Variants in MKRN2OS observed in about 807,000 individuals in gnomAD.
MKRN2OS encodes the protein MKRN2 opposite strand, also known as MKRN2 opposite strand protein.
In MKRN2OS, 17 loss-of-function variants were observed where a neutral mutation model predicts 18.2. The observed-to-expected ratio is 0.93, with a 90% confidence interval of 0.64 to 1.40. The LOEUF is 1.40. MKRN2OS is among the 40% of genes most tolerant of loss of function. The pLI, the probability that MKRN2OS is intolerant of heterozygous loss-of-function variation, is 0.00. For synonymous variants in MKRN2OS, 121 were observed against 108.5 expected (o/e 1.12, Z -0.72); for missense variants, 337 against 283.0 (o/e 1.19, Z -1.37).
upstream of MKRN2OS, among the ~76,000 whole-genome samples, chr3:12,546,575 A>ATTTTTTT (rs1160434615): frequency 0.015 from 1,430 of 97,072 alleles, 103 homozygotes; most frequent in African/African-American, 0.019. Context: ...GGTACATGGG[A>ATTTTTTT]TTTTTTTTTT....
At chr3:12,557,006 A>C in intron 1 of MKRN2OS, 1 of 939,102 alleles carries the variant, frequency 1.1e-6, no homozygotes, top group Non-Finnish European at 1.4e-6. Flanking sequence ...CCGGCGCTAC[A>C]AAGGTGCCAC....
chr3:12,540,131 A>T lies in MKRN2OS; in HGVS notation c.*62T>A. 1 of 1,532,588 alleles carries T rather than the reference A, an allele frequency of 6.5e-7. No individual in the cohort carries two copies. The highest frequency in any genetic ancestry group is 8.7e-7 in the Non-Finnish European group (1 of 1,144,568). The allele number at this position is 1,532,588 out of a possible 1,614,324, so 94.9% of individuals were successfully genotyped here. A position where few individuals can be genotyped will look rare whatever the true frequency, so the allele number is the denominator to read the frequency against. On this transcript the variant is annotated 3_prime_UTR_variant, in exon 4 of 4. Transcript: ENST00000564146. ...CAGTTAAATGCATTTAGAAATCCAT[A>T]GTACTGATTAAAGGTAGCAACCACC...
upstream of MKRN2OS, among the ~76,000 whole-genome samples, chr3:12,550,188 C>T (rs903344086): frequency 6.6e-6 from 1 of 152,122 alleles, no homozygotes. Flanking sequence ...TTGGAAGCAA[C>T]CAAGATGTCC....
chr3:12,548,832 C>CT (rs2057907821), upstream of MKRN2OS, among the ~76,000 whole-genome samples: 1 of 152,008 alleles, frequency 6.6e-6, no homozygotes, highest in African/African-American at 2.4e-5. Flanking sequence ...ATCTTCAATC[C>CT]TTTTTTACCT....
chr3:12,559,603 T>G (rs2058019181), intron 1 of MKRN2OS, among the ~76,000 whole-genome samples: 1 of 152,042 alleles, frequency 6.6e-6, no homozygotes, highest in South Asian at 2.1e-4. Flanking sequence ...ATGCTAGGAG[T>G]CTCAAACCTA....
downstream of MKRN2OS, among the ~76,000 whole-genome samples, chr3:12,551,779 TACAAAAAC>T (rs1163922335): frequency 1.3e-5 from 2 of 150,916 alleles, no homozygotes; most frequent in African/African-American, 2.4e-5. Context: ...CTACTAAAAA[TACAAAAAC>T]ACAAAAATTA....
At chr3:12,548,957 C>T (rs35602774), upstream of MKRN2OS, among the ~76,000 whole-genome samples, 15 of 151,816 alleles carry the variant, frequency 9.9e-5, no homozygotes, top group African/African-American at 3.4e-4. Flanking sequence ...TTATTTGAGA[C>T]GGAATCTCAC....
At chr3:12,556,995 G>C in intron 1 of MKRN2OS, 1 of 822,966 alleles carries the variant, frequency 1.2e-6, no homozygotes, top group Non-Finnish European at 1.6e-6. Context: ...TAGGTTACCC[G>C]CCGGCGCTAC....
chr3:12,544,763 CTGAATTTGTTCTTAA>C (rs2125291155), intron 1 of MKRN2OS, among the ~76,000 whole-genome samples: 2 of 152,246 alleles, frequency 1.3e-5, no homozygotes, highest in East Asian at 3.9e-4. Flanking sequence ...CAAGAGAGAA[CTGAATTTGTTCTTAA>C]AGCCAGGTGG....
chr3:12,541,953 A>G lies in MKRN2OS; in HGVS notation c.338T>C (p.Ile113Thr), dbSNP rs2057820693. Residue 113 changes from isoleucine (I) to threonine (T), a missense_variant, in exon 3 of 4, where the codon ATC (isoleucine) becomes ACC (threonine). Coordinates refer to ENST00000564146, the MANE Select transcript of MKRN2OS (RefSeq NM_001195279.2). ...DGEGWEESIS[I>T]PLLQPNMYGM... is the part of the protein sequence containing the mutation. ...ATACATGTTGGGCTGCAGTAATGGG[A>G]TGCTTATGCTCTCTTCCCACCCTTC... 2 of 1,536,058 alleles carry G rather than the reference A, an allele frequency of 1.3e-6. No homozygotes were observed. The highest frequency in any genetic ancestry group is 4.9e-5 in the East Asian group (2 of 40,918).
At chr3:12,557,227 G>A (rs747581485) in intron 1 of MKRN2OS, 2 of 1,521,026 alleles carry the variant, frequency 1.3e-6, no homozygotes. Context: ...GGCCGCAGGG[G>A]GGCCGGTGCG....
chr3:12,549,762 A>G (rs1199643269), upstream of MKRN2OS, among the ~76,000 whole-genome samples: 1 of 152,198 alleles, frequency 6.6e-6, no homozygotes, highest in Admixed American at 6.6e-5. Flanking sequence ...TATGTTGCCC[A>G]GGCTTGTCTT....
chr3:12,541,631 C>T (rs1195300811), intron 3 of MKRN2OS, among the ~76,000 whole-genome samples: 3 of 152,204 alleles, frequency 2.0e-5, no homozygotes, highest in African/African-American at 7.2e-5. Context: ...CTAGACCTTT[C>T]AGCTCTTACA....
chr3:12,559,179 C>A (rs901258909), intron 1 of MKRN2OS, among the ~76,000 whole-genome samples: 3 of 152,156 alleles, frequency 2.0e-5, no homozygotes, highest in Non-Finnish European at 1.5e-5. Context: ...CGATGACTGC[C>A]TTGCCAAATA....
intron 1 of MKRN2OS, among the ~76,000 whole-genome samples, chr3:12,559,796 G>T (rs1041585484): frequency 6.6e-6 from 1 of 152,172 alleles, no homozygotes; most frequent in Non-Finnish European, 1.5e-5. Context: ...TGTTTTCGGA[G>T]CCCTGGGGGA....
intron 1 of MKRN2OS, among the ~76,000 whole-genome samples, chr3:12,544,103 A>G (rs958891117): frequency 6.6e-6 from 1 of 152,006 alleles, no homozygotes; most frequent in African/African-American, 2.4e-5. Flanking sequence ...CCTTTTACAT[A>G]CTTTGGTTCA....
At chr3:12,558,525 A>G (rs2058004708) in intron 1 of MKRN2OS, among the ~76,000 whole-genome samples, 1 of 152,176 alleles carries the variant, frequency 6.6e-6, no homozygotes, top group Admixed American at 6.5e-5. Flanking sequence ...AAGTGTCCAC[A>G]AAACAGTACA....
At chr3:12,551,549 T>C (rs918620869), downstream of MKRN2OS, among the ~76,000 whole-genome samples, 6 of 147,672 alleles carry the variant, frequency 4.1e-5, no homozygotes, top group Admixed American at 2.7e-4. Flanking sequence ...TAATGGAAAA[T>C]AATCCAAAGG....
At chr3:12,540,542 C>T in intron 3 of MKRN2OS, 109 bp from the exon 4 acceptor site, 1 of 1,284,852 alleles carries the variant, frequency 7.8e-7, no homozygotes. Flanking sequence ...AAGCAAGGCC[C>T]CTGCATGTGC....
Sources: gnomAD v4.1 joint callset for allele counts (sites outside exome capture counted in the v4.1 genomes callset) on GRCh38, gnomAD v4.1.1 for gene constraint, MANE v1.5 for transcripts, NCBI Gene and HGNC (gene_info 2026-07-23, HGNC 2026-07-21) for gene names.